FDX1: variants seen among roughly 807,000 people sequenced by gnomAD.
FDX1 encodes ferredoxin 1.
FDX1 carries 9 observed loss-of-function variants against 14.9 expected under a neutral mutation model. The ratio of observed to expected loss-of-function variants is 0.60; its 90% CI spans 0.36 to 1.05. The LOEUF (loss-of-function observed/expected upper bound fraction) is 1.05, where lower values mean the gene tolerates loss of function less well. FDX1 is among the 50% of genes least tolerant of loss of function. The pLI is 0.01. For synonymous variants in FDX1, 92 were observed against 99.4 expected (o/e 0.93, Z 0.44); for missense variants, 204 against 237.2 (o/e 0.86, Z 0.92).
At chr11:110,437,664 A>G (rs1565380103) in intron 2 of FDX1, among the ~76,000 whole-genome samples, 1 of 152,136 alleles carries the variant, frequency 6.6e-6, no homozygotes, top group African/African-American at 2.4e-5. Context: ...TTTTATTTAG[A>G]TTCAGGGAGT....
At chr11:110,435,998 G>A (rs775772933) in intron 2 of FDX1, 40 bp downstream of exon 2, 12 of 1,538,436 alleles carry the variant, frequency 7.8e-6, no homozygotes, top group East Asian at 2.3e-5. Context: ...AAGTGAAACT[G>A]TTAGGTTTCA....
At chr11:110,435,739 C>T (rs1946363982) in intron 1 of FDX1, 95 bp from the exon 2 acceptor site, 1 of 895,232 alleles carries the variant, frequency 1.1e-6, no homozygotes, top group Non-Finnish European at 1.7e-6. Context: ...CCTGTATTCC[C>T]ATCTACTCTG....
chr11:110,437,002 T>A (rs972099071), intron 2 of FDX1, among the ~76,000 whole-genome samples: 1 of 152,168 alleles, frequency 6.6e-6, no homozygotes, highest in Non-Finnish European at 1.5e-5. Flanking sequence ...AATATCTTTT[T>A]AAAAATTTTT....
chr11:110,443,200 T>TG (rs1946416287), intron 2 of FDX1, among the ~76,000 whole-genome samples: 1 of 152,170 alleles, frequency 6.6e-6, no homozygotes, highest in African/African-American at 2.4e-5. Flanking sequence ...CACAAAACTG[T>TG]GGCAGTGTAC....
At chr11:110,447,161 C>CT (rs1365519505) in intron 2 of FDX1, among the ~76,000 whole-genome samples, 1 of 125,012 alleles carries the variant, frequency 8.0e-6, no homozygotes, top group Non-Finnish European at 1.6e-5. Flanking sequence ...GGGTTACAGA[C>CT]TAAGACTCCA....
rs779206362 is a variant in FDX1 at position 110,457,004 on chromosome 11, G to A, written c.397G>A (p.Glu133Lys). Reference protein sequence around the residue: ...IYEKLDAITDEENDMLDLAYG... With the variant: ...IYEKLDAITDKENDMLDLAYG... ...TGAGAAGTTAGATGCAATCACTGAT[G>A]AGGAGAATGACATGCTCGATCTGGC... is the stretch of plus-strand genomic sequence containing the variant. Residue 133 changes from glutamate to lysine, a missense_variant, in exon 3 of 4, where the codon GAG (glutamate) becomes AAG (lysine). By Grantham distance (56) the Glu-to-Lys change is moderately conservative. Transcript: ENST00000260270. 1 of 1,613,692 alleles carries A rather than the reference G, an allele frequency of 6.2e-7. No homozygotes were observed. The highest frequency in any genetic ancestry group is 1.1e-5 in the South Asian group (1 of 91,028).
rs928353805 is a variant in FDX1 at position 110,457,332 on chromosome 11, A to G, written c.440+285A>G. Among the ~76,000 whole-genome samples, 4 of 152,216 alleles carry G rather than the reference A, an allele frequency of 2.6e-5. 1 individual carries two copies. Among genetic ancestry groups the G allele is most frequent in the Admixed American group, 1.3e-4 (2 of 15,286 alleles). ...CTTTTTACTCCAGGAACTAATATGT[A>G]TCACAACTGAATGGAGGGGTTAAAT... On this transcript the variant is annotated intron_variant, in intron 3 of 3. Coordinates refer to ENST00000260270, the MANE Select transcript of FDX1 (RefSeq NM_004109.5).
intron 2 of FDX1, among the ~76,000 whole-genome samples, chr11:110,437,007 AT>A (rs746862558): frequency 6.6e-6 from 1 of 152,050 alleles, no homozygotes; most frequent in Non-Finnish European, 1.5e-5. Context: ...CTTTTTAAAA[AT>A]TTTTTGAGAC....
At position 110,464,771 on chromosome 11, in the gene FDX1, A is replaced by T. The variant is rs1565387179; in HGVS notation, c.*2303A>T. On this transcript the variant is annotated 3_prime_UTR_variant, in exon 4 of 4. Coordinates refer to ENST00000260270, the MANE Select transcript of FDX1 (RefSeq NM_004109.5). ...TGATTATATTCAACCAAAGCACTCTAAAATTTAGAGTATAAATTGTCTTAT... is the reference window on the plus strand; with the variant it reads ...TGATTATATTCAACCAAAGCACTCTTAAATTTAGAGTATAAATTGTCTTAT... The T allele has an allele frequency of 6.6e-6, 1 of 152,224 alleles. No individual in the cohort carries two copies. Among genetic ancestry groups the T allele is most frequent in the Non-Finnish European group, 1.5e-5 (1 of 68,034 alleles). The allele number at this position is 152,224 out of a possible 1,614,324, so 9.4% of individuals were successfully genotyped here.
Position 110,430,129 on chromosome 11 carries a change from C to A in FDX1, c.9C>A (p.Ala3=), listed in dbSNP as rs577889448. 1,051 of 1,239,398 alleles carry A rather than the reference C, an allele frequency of 8.5e-4. 10 individuals carry two copies. In the African/African-American group the frequency reaches 0.015, roughly 18 times the overall value. The allele number at this position is 1,239,398 out of a possible 1,614,324, so 76.8% of individuals were successfully genotyped here. A position where few individuals can be genotyped will look rare whatever the true frequency, so the allele number is the denominator to read the frequency against. The change falls in exon 1 of 4, where the codon GCC becomes GCA. Residue 3 remains alanine, a synonymous_variant. Transcript: ENST00000260270. ...GTTCCCGACCGCGGGCGATGGCTGC[C>A]GCTGGGGGCGCCCGGCTGCTGCGCG... MA[A]AGGARLLRAA...
chr11:110,444,690 ATATATATATATATACG>A (rs1555069106), intron 2 of FDX1, among the ~76,000 whole-genome samples: 23 of 54,978 alleles, frequency 4.2e-4, no homozygotes, highest in Middle Eastern at 7.0e-3. Context: ...ATATACACGT[ATATATATATATATACG>A]TATATATATA....
chr11:110,446,258 G>C (rs946620181), intron 2 of FDX1, among the ~76,000 whole-genome samples: 2 of 152,144 alleles, frequency 1.3e-5, no homozygotes, highest in African/African-American at 4.8e-5. Flanking sequence ...ACATTATGGG[G>C]GCAGCTGTTT....
In FDX1 at chr11:110,430,274, T is replaced by C. The variant is rs1021867914; in HGVS notation, c.154T>C (p.Ser52Pro). ...GGGCGGGAGCGCGGAGGCGAGCCGG[T>C]CGCTGAGCGTGTCGGCGCGGGCCCG... ...GPGGSAEASR[S>P]LSVSARARSS... Residue 52 changes from serine to proline, a missense_variant, in exon 1 of 4, where the codon TCG becomes CCG. Ser to Pro is a moderately conservative substitution (Grantham distance 74). Transcript: ENST00000260270. 6 of 1,202,250 alleles carry C rather than the reference T, an allele frequency of 5.0e-6. No individual in the cohort carries two copies. The African/African-American group carries it at 7.9e-5, about 16-fold the overall frequency. The allele number at this position is 1,202,250 out of a possible 1,614,324, so 74.5% of individuals were successfully genotyped here. A position where few individuals can be genotyped will look rare whatever the true frequency, so the allele number is the denominator to read the frequency against.
rs1946571011 is a variant in FDX1 at position 110,463,549 on chromosome 11, TAA to T, written c.*1082_*1083del. ...TAATAAAACATCAACTAACTTGGAC[TAA>T]TTGTGAGGAAGAGCAGAACAAATTA... On this transcript the variant is annotated 3_prime_UTR_variant, in exon 4 of 4. Coordinates refer to ENST00000260270, the MANE Select transcript of FDX1 (RefSeq NM_004109.5). 1.3e-5 allele frequency: 2 copies of T among 152,376 alleles called. No individual in the cohort carries two copies. Among genetic ancestry groups the T allele is most frequent in the East Asian group, 3.9e-4 (2 of 5,190 alleles). 9.4% of individuals were successfully genotyped at this position (152,376 alleles called of 1,614,324 possible).
chr11:110,435,245 C>G (rs1285911713), intron 1 of FDX1, among the ~76,000 whole-genome samples: 1 of 152,066 alleles, frequency 6.6e-6, no homozygotes, highest in African/African-American at 2.4e-5. Context: ...AAGATGGGAT[C>G]TTGCCATGTT....
chr11:110,449,327 A>C lies in FDX1; in HGVS notation c.311-7591A>C, dbSNP rs1475695952. ...GCTAAAATGCTAGCACCAGGGGCTA[A>C]TATCAGTGTTGCTGTAAGGTGTTCC... On this transcript the variant is annotated intron_variant, in intron 2 of 3. Transcript: ENST00000260270. Among the ~76,000 whole-genome samples, 2 of 152,206 alleles carry C rather than the reference A, an allele frequency of 1.3e-5. 1 individual carries two copies. The highest frequency in any genetic ancestry group is 4.1e-4 in the South Asian group (2 of 4,836).
chr11:110,455,936 G>C (rs943589857), intron 2 of FDX1, among the ~76,000 whole-genome samples: 2 of 152,138 alleles, frequency 1.3e-5, no homozygotes, highest in Non-Finnish European at 2.9e-5. Flanking sequence ...TCAAGTGAAG[G>C]CTGAGTAATA....
At chr11:110,454,120 C>T (rs1202603425) in intron 2 of FDX1, among the ~76,000 whole-genome samples, 1 of 152,154 alleles carries the variant, frequency 6.6e-6, no homozygotes, top group Non-Finnish European at 1.5e-5. Flanking sequence ...AAAAGTTAAT[C>T]TGAAAATATT....
chr11:110,443,917 G>T (rs545662361), intron 2 of FDX1, among the ~76,000 whole-genome samples: 7 of 151,612 alleles, frequency 4.6e-5, no homozygotes, highest in Non-Finnish European at 1.0e-4. Flanking sequence ...TAATGAGGTT[G>T]TTTTTTGCTT....
Sources: allele counts gnomAD v4.1 joint callset (sites outside exome capture counted in the v4.1 genomes callset), GRCh38; gene constraint gnomAD v4.1.1; transcripts MANE v1.5; gene names NCBI Gene and HGNC (gene_info 2026-07-23, HGNC 2026-07-21).